Variants in RBFOX1 observed in about 807,000 individuals in gnomAD.
RBFOX1 encodes RNA binding fox-1 homolog 1.
In RBFOX1, 8 loss-of-function variants were observed where a neutral mutation model predicts 57.7. The observed-to-expected ratio is 0.14, with a 90% CI of 0.08 to 0.25. The LOEUF is 0.25. Ranked by LOEUF, RBFOX1 falls within the 10% of genes least tolerant of loss-of-function variation. The pLI, the probability that RBFOX1 is intolerant of heterozygous loss-of-function variation, is 1.00. For synonymous variants in RBFOX1, 326 were observed against 222.4 expected (o/e 1.47, Z -4.15); for missense variants, 611 against 548.5 (o/e 1.11, Z -1.14).
At chr16:6,442,127 C>T (rs1282973678) in intron 2 of RBFOX1, among the ~76,000 whole-genome samples, 1 of 152,140 alleles carries the variant, frequency 6.6e-6, no homozygotes, top group Non-Finnish European at 1.5e-5. Context: ...TCATTGACGT[C>T]CAGCCCTTCA....
intron 2 of RBFOX1, among the ~76,000 whole-genome samples, chr16:6,452,158 G>A (rs1024443584): frequency 7.0e-6 from 1 of 142,130 alleles, no homozygotes; most frequent in Admixed American, 7.1e-5. Flanking sequence ...TTCCTTCCAC[G>A]GCTCCATCCA....
At chr16:6,100,941 A>C (rs2096299285) in intron 1 of RBFOX1, among the ~76,000 whole-genome samples, 1 of 152,142 alleles carries the variant, frequency 6.6e-6, no homozygotes, top group Non-Finnish European at 1.5e-5. Flanking sequence ...TCTTCCCTAC[A>C]GGCACAAAGG....
At chr16:6,197,152 A>C (rs1309372779) in intron 1 of RBFOX1, among the ~76,000 whole-genome samples, 3 of 152,156 alleles carry the variant, frequency 2.0e-5, no homozygotes, top group Non-Finnish European at 2.9e-5. Flanking sequence ...CATGCATGTC[A>C]CCAGAGGCTG....
At chr16:6,660,592 C>G (rs560248757) in intron 3 of RBFOX1, among the ~76,000 whole-genome samples, 3 of 152,262 alleles carry the variant, frequency 2.0e-5, no homozygotes, top group Admixed American at 1.3e-4. Flanking sequence ...AATAGCAACT[C>G]TGTGACCTTG....
chr16:7,195,497 G>C (rs1427684954), intron 4 of RBFOX1, among the ~76,000 whole-genome samples: 1 of 152,164 alleles, frequency 6.6e-6, no homozygotes, highest in Non-Finnish European at 1.5e-5. Flanking sequence ...GCACAGATTT[G>C]AAAGACTGTT....
intron 1 of RBFOX1, among the ~76,000 whole-genome samples, chr16:5,279,285 G>A (rs1277524975): frequency 6.6e-6 from 1 of 152,018 alleles, no homozygotes; most frequent in East Asian, 1.9e-4. Context: ...TTTCATTGTC[G>A]AGGTTTTTTG....
intron 4 of RBFOX1, among the ~76,000 whole-genome samples, chr16:7,403,212 C>G (rs1333481105): frequency 2.0e-5 from 3 of 152,196 alleles, no homozygotes; most frequent in Non-Finnish European, 4.4e-5. Context: ...AGGTATCTAT[C>G]AGCTCAGAGT....
intron 1 of RBFOX1, among the ~76,000 whole-genome samples, chr16:6,075,179 G>C (rs1210163134): frequency 3.9e-5 from 6 of 152,178 alleles, no homozygotes; most frequent in Non-Finnish European, 1.5e-5. Context: ...CAGACACGAA[G>C]CATGGAGGTG....
intron 2 of RBFOX1, among the ~76,000 whole-genome samples, chr16:5,532,377 A>C (rs1347359196): frequency 1.3e-5 from 2 of 152,166 alleles, no homozygotes; most frequent in Non-Finnish European, 2.9e-5. Flanking sequence ...CAATGTGTAG[A>C]ATACGGCATC....
chr16:5,405,299 C>A (rs1014914552), intron 1 of RBFOX1, among the ~76,000 whole-genome samples: 1 of 152,124 alleles, frequency 6.6e-6, no homozygotes, highest in South Asian at 2.1e-4. Context: ...ATGGAAAGGA[C>A]CTGGTGGGAA....
chr16:5,506,366 C>T (rs1186077204), intron 2 of RBFOX1, among the ~76,000 whole-genome samples: 1 of 152,216 alleles, frequency 6.6e-6, no homozygotes, highest in Non-Finnish European at 1.5e-5. Flanking sequence ...TTCTCTCCCT[C>T]TCTGTCCTTC....
intron 1 of RBFOX1, among the ~76,000 whole-genome samples, chr16:6,029,633 C>T (rs556951975): frequency 1.3e-5 from 2 of 151,904 alleles, no homozygotes; most frequent in African/African-American, 4.8e-5. Context: ...ATTAGCCGGG[C>T]GTGGTGGCGG....
chr16:5,980,449 G>T (rs772133683), intron 4 of RBFOX1, among the ~76,000 whole-genome samples: 2 of 152,154 alleles, frequency 1.3e-5, no homozygotes, highest in African/African-American at 4.8e-5. Context: ...GCAGGAGGCC[G>T]AATTCTCGCT....
intron 11 of RBFOX1, among the ~76,000 whole-genome samples, chr16:7,649,367 G>T (rs1047536041): frequency 6.6e-6 from 1 of 151,952 alleles, no homozygotes; most frequent in Non-Finnish European, 1.5e-5. Context: ...GGGATATCAG[G>T]ACACTCCTAA....
chr16:7,512,081 C>G (rs1038993291), intron 4 of RBFOX1, among the ~76,000 whole-genome samples: 2 of 135,372 alleles, frequency 1.5e-5, no homozygotes, highest in Non-Finnish European at 3.4e-5. Context: ...ATCAGAAGCT[C>G]TCTCTGATCA....
intron 1 of RBFOX1, among the ~76,000 whole-genome samples, chr16:5,447,777 A>T (rs1417711203): frequency 6.6e-6 from 1 of 152,168 alleles, no homozygotes; most frequent in East Asian, 1.9e-4. Flanking sequence ...TTCTCTGCAG[A>T]TGGCAGTGAA....
intron 3 of RBFOX1, among the ~76,000 whole-genome samples, chr16:5,632,046 C>T (rs1297005384): frequency 6.6e-6 from 1 of 152,140 alleles, no homozygotes; most frequent in African/African-American, 2.4e-5. Flanking sequence ...CTTTTCCAGT[C>T]CTACTTAAGC....
At chr16:6,904,456 C>G (rs1298416923) in intron 3 of RBFOX1, among the ~76,000 whole-genome samples, 2 of 151,776 alleles carry the variant, frequency 1.3e-5, no homozygotes. Context: ...CAAAAATGAG[C>G]TAGGTGTGGT....
chr16:6,379,858 A>G (rs1215493104), intron 2 of RBFOX1, among the ~76,000 whole-genome samples: 1 of 152,128 alleles, frequency 6.6e-6, no homozygotes, highest in African/African-American at 2.4e-5. Flanking sequence ...GCATGAGAGA[A>G]CAAGAGAAGG....
Sources: gnomAD v4.1 joint callset for allele counts (sites outside exome capture counted in the v4.1 genomes callset) on GRCh38, gnomAD v4.1.1 for gene constraint, MANE v1.5 for transcripts, NCBI Gene and HGNC (gene_info 2026-07-23, HGNC 2026-07-21) for gene names.